Variants in DISC1 observed in about 807,000 individuals in gnomAD.
The protein encoded by DISC1 is disrupted in schizophrenia 1 protein.
A neutral mutation model predicts 84.5 loss-of-function variants in DISC1; 57 were observed. The ratio of observed to expected loss-of-function variants is 0.67; its 90% confidence interval spans 0.55 to 0.84. DISC1 has a LOEUF of 0.84. Among genes scored for constraint, DISC1 ranks in the 40% least tolerant of loss-of-function variants. The pLI, the probability that DISC1 is intolerant of heterozygous loss-of-function variation, is 0.00. For missense variants in DISC1, 1,000 were observed against 1,057.8 expected, an observed-to-expected ratio of 0.95 and a Z score of 0.76; for synonymous variants, 411 against 415.2, an observed-to-expected ratio of 0.99 and a Z score of 0.12.
Position 231,785,101 on chromosome 1 carries a change from T to C in DISC1, c.1635-10141T>C, listed in dbSNP as rs186627374. On this transcript the variant is annotated intron_variant, in intron 6 of 12. Transcript: ENST00000439617. ...GGTCTAAGGAAAGAAAAAGGCCAAG[T>C]AGATAAACATGAATTTCCTAAAGCT... Among the ~76,000 whole-genome samples the C allele has an allele frequency of 2.8e-3, 430 of 152,204 alleles. 2 individuals are homozygous for C. The highest frequency in any genetic ancestry group is 4.7e-3 in the Non-Finnish European group (320 of 68,012).
intron 9 of DISC1, among the ~76,000 whole-genome samples, chr1:231,854,272 A>G (rs1190237702): frequency 1.3e-5 from 2 of 152,298 alleles, no homozygotes; most frequent in South Asian, 2.1e-4. Flanking sequence ...TGAGCATGAA[A>G]TCCTATTCTA....
At chr1:231,945,570 A>G (rs777208709) in intron 9 of DISC1, among the ~76,000 whole-genome samples, 9 of 152,186 alleles carry the variant, frequency 5.9e-5, no homozygotes, top group African/African-American at 1.7e-4. Context: ...AGCAAGAGGA[A>G]ACAAATTCAA....
At chr1:231,868,693 TATATATATATA>T (rs2085232170) in intron 9 of DISC1, among the ~76,000 whole-genome samples, 2 of 658 alleles carry the variant, frequency 3.0e-3, no homozygotes, top group Non-Finnish European at 4.9e-3. Flanking sequence ...CCCCATCTCT[TATATATATATA>T]TATATATATA....
At chr1:231,788,976 C>A (rs1442080847) in intron 6 of DISC1, among the ~76,000 whole-genome samples, 1 of 150,968 alleles carries the variant, frequency 6.6e-6, no homozygotes, top group East Asian at 2.0e-4. Flanking sequence ...CACTGTGTAC[C>A]AAACACTTCA....
At chr1:231,833,199 G>T (rs1466409517) in intron 9 of DISC1, among the ~76,000 whole-genome samples, 1 of 150,626 alleles carries the variant, frequency 6.6e-6, no homozygotes, top group Non-Finnish European at 1.5e-5. Context: ...AACTGGACAG[G>T]TGGGGACAAT....
chr1:231,947,645 G>T (rs1003928974), intron 9 of DISC1, among the ~76,000 whole-genome samples: 1 of 152,176 alleles, frequency 6.6e-6, no homozygotes, highest in African/African-American at 2.4e-5. Context: ...CACAGCAAAA[G>T]AAATTATCAT....
At chr1:231,767,481 G>T (rs1048309567) in intron 5 of DISC1, among the ~76,000 whole-genome samples, 1 of 152,126 alleles carries the variant, frequency 6.6e-6, no homozygotes, top group Non-Finnish European at 1.5e-5. Flanking sequence ...ATTTTTAGTA[G>T]ATATCAGGTC....
intron 1 of DISC1, among the ~76,000 whole-genome samples, chr1:231,689,787 A>G (rs764934611): frequency 6.6e-6 from 1 of 152,238 alleles, no homozygotes; most frequent in Non-Finnish European, 1.5e-5. Context: ...ACTTCTGTGT[A>G]GTATAAACTG....
intron 10 of DISC1, among the ~76,000 whole-genome samples, chr1:231,974,505 A>T (rs1662503374): frequency 6.6e-6 from 1 of 152,160 alleles, no homozygotes; most frequent in Non-Finnish European, 1.5e-5. Flanking sequence ...TCATAAGCAG[A>T]TCTTTTCACA....
At chr1:231,646,736 T>C (rs1276414620) in intron 1 of DISC1, among the ~76,000 whole-genome samples, 1 of 152,256 alleles carries the variant, frequency 6.6e-6, no homozygotes, top group Non-Finnish European at 1.5e-5. Flanking sequence ...TTCCTGACTT[T>C]TTAATGATCA....
chr1:231,682,740 C>T (rs142324197), intron 1 of DISC1, among the ~76,000 whole-genome samples: 1 of 152,224 alleles, frequency 6.6e-6, no homozygotes. Context: ...CCAGCTTCCT[C>T]TAACGGTAAG....
rs10692560 is a variant in DISC1, at chr1:231,809,524, G to GAAAA, written c.1793-8793_1793-8790dup. ...GATACTCCAAAAGCCTTTTTTTTTT[G>GAAAA]AAAAAAAAAAAAAAAGGATGGTTCT... On this transcript the variant is annotated intron_variant, in intron 8 of 12. Coordinates refer to ENST00000439617, the MANE Select transcript of DISC1 (RefSeq NM_018662.3). Among the ~76,000 whole-genome samples the GAAAA allele has an allele frequency of 2.3e-3, 280 of 123,768 alleles. 6 individuals are homozygous for GAAAA. Among genetic ancestry groups the GAAAA allele is most frequent in the African/African-American group, 6.8e-3 (221 of 32,626 alleles). The allele number at this position is 123,768 out of a possible 152,430, so 81.2% of individuals were successfully genotyped here. A position where few individuals can be genotyped will look rare whatever the true frequency, so the allele number is the denominator to read the frequency against.
rs762016266 is a variant in DISC1, at chr1:231,767,164, C to A, written c.1293C>A (p.Thr431=). 1 of 1,614,050 alleles carries A rather than the reference C, an allele frequency of 6.2e-7. No individual in the cohort carries two copies. The highest frequency in any genetic ancestry group is 8.5e-7 in the Non-Finnish European group (1 of 1,180,044). The change falls in exon 5 of 13, where the codon ACC becomes ACA. Residue 431 remains threonine, a synonymous_variant. Transcript: ENST00000439617. ...TQQASGDDTH[T]PLRMEPRLLE... is the part of the protein sequence containing the mutation. ...GGGCCAGCGGAGATGACACCCACAC[C>A]CCACTGAGAATGGAGCCGAGGCTGT...
rs929066342 is a variant in DISC1 at position 232,024,836 on chromosome 1, C to T, written c.2308-1599C>T. On this transcript the variant is annotated intron_variant, in intron 11 of 12. Coordinates refer to ENST00000439617, the MANE Select transcript of DISC1 (RefSeq NM_018662.3). ...TGAACTCCTGACCTCATGATCCACC[C>T]GCCTCAGCCTCCCAAAGTGCTGGGA... Among the ~76,000 whole-genome samples, 8 of 152,094 alleles carry T rather than the reference C, an allele frequency of 5.3e-5. No homozygotes were observed. In the South Asian group the frequency reaches 6.3e-4, roughly 12 times the overall value.
intron 3 of DISC1, chr1:231,722,439 T>A (rs754549866): frequency 6.4e-7 from 1 of 1,572,646 alleles, no homozygotes; most frequent in Non-Finnish European, 8.7e-7. Flanking sequence ...AACAAGTGTG[T>A]CCAGCATAAA....
At chr1:231,681,641 C>T (rs2063702723) in intron 1 of DISC1, among the ~76,000 whole-genome samples, 1 of 152,122 alleles carries the variant, frequency 6.6e-6, no homozygotes, top group Admixed American at 6.5e-5. Context: ...CCTAGATTCC[C>T]TAGCTGGGTC....
rs189943340 is a variant in DISC1 at position 231,917,331 on chromosome 1, C to T, written c.1982-41497C>T. On this transcript the variant is annotated intron_variant, in intron 9 of 12. Transcript: ENST00000439617. The stretch of plus-strand genomic sequence containing the variant: ...AAATTTGAGGAGTGTATTTCATTCT[C>T]GCCGAATGCATTATATCTTACTTTC... Among the ~76,000 whole-genome samples, 22 of 152,274 alleles carry T rather than the reference C, an allele frequency of 1.4e-4. No individual in the cohort carries two copies. In the East Asian group the frequency reaches 3.5e-3, roughly 24 times the overall value.
At chr1:232,010,895 G>A (rs543983055) in intron 11 of DISC1, among the ~76,000 whole-genome samples, 13 of 152,306 alleles carry the variant, frequency 8.5e-5, no homozygotes, top group African/African-American at 3.1e-4. Flanking sequence ...CTTTAAAGAT[G>A]AGGGTGTTAT....
chr1:231,779,147 A>G (rs77345245), intron 6 of DISC1, among the ~76,000 whole-genome samples: 13,358 of 152,202 alleles, frequency 0.088, 770 homozygotes, highest in South Asian at 0.2. Flanking sequence ...CTTTTTCTCT[A>G]GCGGCTAAAC....
Sources: allele counts gnomAD v4.1 joint callset (sites outside exome capture counted in the v4.1 genomes callset), GRCh38; gene constraint gnomAD v4.1.1; transcripts MANE v1.5; gene names NCBI Gene and HGNC (gene_info 2026-07-23, HGNC 2026-07-21).